The following KCNT1 variants were observed in gnomAD, a reference collection of about 807,000 sequenced individuals.
The protein encoded by KCNT1 is potassium sodium-activated channel subfamily T member 1.
A neutral mutation model predicts 147.8 loss-of-function variants in KCNT1; 78 were observed. That is an observed-to-expected ratio of 0.53 (90% CI 0.44 to 0.64). KCNT1 has a LOEUF of 0.64. Among genes scored for constraint, KCNT1 ranks in the 30% least tolerant of loss-of-function variants. KCNT1 has a pLI of 0.00. For missense variants in KCNT1, 1,419 were observed against 1,750.3 expected (o/e 0.81, Z 3.38); for synonymous variants, 867 against 748.8 (o/e 1.16, Z -2.58).
At chr9:135,709,279 G>A (rs140462117) in intron 1 of KCNT1, among the ~76,000 whole-genome samples, 1 of 152,308 alleles carries the variant, frequency 6.6e-6, no homozygotes, top group Non-Finnish European at 1.5e-5. Context: ...GCTCACGCAG[G>A]CTCACAGAGA....
At chr9:135,770,233 C>T (rs1588359562) in intron 16 of KCNT1, 65 bp from the exon 17 acceptor site, 4 of 1,536,394 alleles carry the variant, frequency 2.6e-6, no homozygotes, top group East Asian at 2.3e-5. Context: ...CCTGCAGACC[C>T]AGCCGGGGAG....
chr9:135,776,384 A>G (rs1833172362), intron 20 of KCNT1, among the ~76,000 whole-genome samples: 2 of 151,682 alleles, frequency 1.3e-5, no homozygotes, highest in Admixed American at 6.6e-5. Context: ...CAGCCTCCCA[A>G]GTGGCTGGGA....
intron 11 of KCNT1, among the ~76,000 whole-genome samples, chr9:135,762,151 GAAGT>G (rs1276820090): frequency 2.0e-5 from 3 of 152,230 alleles, no homozygotes; most frequent in Non-Finnish European, 4.4e-5. Context: ...TCTCCATTAA[GAAGT>G]AAGACAAGGC....
intron 12 of KCNT1, 111 bp downstream of exon 12, chr9:135,765,306 C>A: frequency 2.8e-6 from 3 of 1,080,244 alleles, no homozygotes; most frequent in Non-Finnish European, 4.1e-6. Context: ...CCTTGGTTTA[C>A]CCCTTCAGTG....
chr9:135,757,915 G>A (rs1416966114), intron 9 of KCNT1, among the ~76,000 whole-genome samples: 1 of 152,228 alleles, frequency 6.6e-6, no homozygotes, highest in Non-Finnish European at 1.5e-5. Flanking sequence ...TGGTAAATCA[G>A]CGTTACCATG....
chr9:135,779,885 C>T (rs1318914267), intron 24 of KCNT1, among the ~76,000 whole-genome samples: 7 of 152,274 alleles, frequency 4.6e-5, no homozygotes, highest in African/African-American at 9.6e-5. Flanking sequence ...CTGCACCATT[C>T]CAGACTTCTC....
chr9:135,769,456 G>A (rs561890861), intron 15 of KCNT1, among the ~76,000 whole-genome samples: 73 of 152,318 alleles, frequency 4.8e-4, no homozygotes, highest in African/African-American at 1.7e-3. Flanking sequence ...CATCCTCACC[G>A]CATCCGAGAA....
chr9:135,772,066 G>A (rs949327530), intron 18 of KCNT1, among the ~76,000 whole-genome samples: 9 of 152,210 alleles, frequency 5.9e-5, no homozygotes, highest in East Asian at 3.8e-4. Flanking sequence ...GCAGGTTCCC[G>A]GCCGCCGTCT....
intron 2 of KCNT1, among the ~76,000 whole-genome samples, chr9:135,723,296 T>G (rs1036561807): frequency 6.6e-6 from 1 of 152,272 alleles, no homozygotes; most frequent in African/African-American, 2.4e-5. Context: ...AGCAAAAGCG[T>G]TGGTGGGGTG....
At chr9:135,751,174 C>A in intron 4 of KCNT1, 133 bp downstream of exon 4, 1 of 789,268 alleles carries the variant, frequency 1.3e-6, no homozygotes, top group South Asian at 1.5e-5. Context: ...CTTCCTTCCC[C>A]AGTGCCTGTC....
chr9:135,785,469 G>T (rs1490464082), intron 28 of KCNT1, 139 bp downstream of exon 28: 2 of 1,047,000 alleles, frequency 1.9e-6, no homozygotes, highest in Admixed American at 4.6e-5. Flanking sequence ...GGGTCCCACG[G>T]ATGTGTCGGC....
chr9:135,788,244 C>A lies in KCNT1; in HGVS notation c.3502+1723C>A. Reference sequence around the variant, plus strand: ...CCGCCGGCAGCCTTGCTGCGCCATCCCGGCCAGGCAGGTGGACAGGAGCTG... The same window carrying A: ...CCGCCGGCAGCCTTGCTGCGCCATCACGGCCAGGCAGGTGGACAGGAGCTG... On this transcript the variant is annotated intron_variant, in intron 29 of 30. Transcript: ENST00000371757. The A allele has an allele frequency of 3.3e-6, 4 of 1,204,986 alleles. No homozygotes were observed. The East Asian group carries it at 7.0e-5, about 21-fold the overall frequency. The allele number at this position is 1,204,986 out of a possible 1,614,324, so 74.6% of individuals were successfully genotyped here.
intron 2 of KCNT1, among the ~76,000 whole-genome samples, chr9:135,721,290 C>A (rs1035991372): frequency 1.3e-5 from 2 of 152,180 alleles, no homozygotes; most frequent in Middle Eastern, 3.2e-3. Context: ...CTGCTCAGTC[C>A]CTGGGGGTGG....
intron 11 of KCNT1, among the ~76,000 whole-genome samples, chr9:135,762,474 A>T (rs539640113): frequency 6.6e-6 from 1 of 152,194 alleles, no homozygotes; most frequent in East Asian, 1.9e-4. Flanking sequence ...AGGGCCAGGC[A>T]CAATGGGTCC....
intron 15 of KCNT1, among the ~76,000 whole-genome samples, chr9:135,769,435 CG>C (rs1436493386): frequency 3.3e-5 from 5 of 152,144 alleles, no homozygotes; most frequent in Admixed American, 2.0e-4. Context: ...CTGGAGGGGA[CG>C]GCAGACCCCC....
intron 6 of KCNT1, 95 bp downstream of exon 6, chr9:135,755,264 GT>G (rs1316713498): frequency 8.4e-6 from 9 of 1,074,180 alleles, no homozygotes; most frequent in Non-Finnish European, 1.1e-5. Flanking sequence ...CCCAGGCTCG[GT>G]GAGCACTGAG....
chr9:135,723,231 C>T (rs376163201), intron 2 of KCNT1, among the ~76,000 whole-genome samples: 51 of 152,260 alleles, frequency 3.3e-4, no homozygotes, highest in African/African-American at 1.2e-3. Context: ...CCCCAGAGGC[C>T]TGGCAGGGTG....
chr9:135,754,547 G>T (rs921377932), intron 5 of KCNT1, among the ~76,000 whole-genome samples: 5 of 152,198 alleles, frequency 3.3e-5, no homozygotes, highest in African/African-American at 9.7e-5. Context: ...CCCAGAACCT[G>T]CAAGGCATGT....
At position 135,757,513 on chromosome 9, in the gene KCNT1, G is replaced by A. The variant is rs1054060382; in HGVS notation, c.759+132G>A. 6 of 763,678 alleles carry A rather than the reference G, an allele frequency of 7.9e-6. No individual in the cohort carries two copies. In the African/African-American group the frequency reaches 1.0e-4, roughly 13 times the overall value. The allele number at this position is 763,678 out of a possible 1,614,324, so 47.3% of individuals were successfully genotyped here. A position where few individuals can be genotyped will look rare whatever the true frequency, so the allele number is the denominator to read the frequency against. On this transcript the variant is annotated intron_variant, in intron 9 of 30. Transcript: ENST00000371757. ...TGACCTGTAGAGGACCGGGAAGCCAGGGCAGCAGAAACTCTGTCTCTGCTC... is the reference window on the plus strand; with the variant it reads ...TGACCTGTAGAGGACCGGGAAGCCAAGGCAGCAGAAACTCTGTCTCTGCTC...
Sources: allele counts gnomAD v4.1 joint callset (sites outside exome capture counted in the v4.1 genomes callset), GRCh38; gene constraint gnomAD v4.1.1; transcripts MANE v1.5; gene names NCBI Gene and HGNC (gene_info 2026-07-23, HGNC 2026-07-21).